The following TNFSF4 variants were observed in gnomAD, a reference collection of about 807,000 sequenced individuals.
The protein encoded by TNFSF4 is tumor necrosis factor ligand superfamily member 4.
A neutral mutation model predicts 7.3 loss-of-function variants in TNFSF4; 4 were observed. The ratio of observed to expected loss-of-function variants is 0.55; its 90% CI spans 0.27 to 1.25. The LOEUF (loss-of-function observed/expected upper bound fraction) is 1.25, where lower values mean the gene tolerates loss of function less well. Among genes scored for constraint, TNFSF4 ranks in the 50% most tolerant of loss-of-function variants. The pLI is 0.12. For synonymous variants in TNFSF4, 76 were observed against 83.7 expected, an observed-to-expected ratio of 0.91 and a Z score of 0.50; for missense variants, 181 against 208.8, an observed-to-expected ratio of 0.87 and a Z score of 0.82.
the TNFSF4 span, among the ~76,000 whole-genome samples, chr1:173,219,222 G>T: frequency 6.6e-6 from 1 of 152,138 alleles, no homozygotes; most frequent in Non-Finnish European, 1.5e-5. Context: ...TAACACAGGA[G>T]TTTTTGAACA....
chr1:173,307,216 T>C, the TNFSF4 span, among the ~76,000 whole-genome samples: 1 of 151,994 alleles, frequency 6.6e-6, no homozygotes, highest in Middle Eastern at 3.2e-3. Context: ...TAAGGTAAGA[T>C]ATAATGATAA....
chr1:173,243,501 G>C, the TNFSF4 span, among the ~76,000 whole-genome samples: 1 of 152,114 alleles, frequency 6.6e-6, no homozygotes, highest in Non-Finnish European at 1.5e-5. Context: ...TGCTGTCTCA[G>C]TGTAATTGGT....
chr1:173,366,846 C>G, the TNFSF4 span, among the ~76,000 whole-genome samples: 1 of 152,054 alleles, frequency 6.6e-6, no homozygotes, highest in African/African-American at 2.4e-5. Flanking sequence ...TGATTGGACA[C>G]AATTTTCTTT....
At chr1:173,406,544 A>G in the TNFSF4 span, among the ~76,000 whole-genome samples, 1 of 152,246 alleles carries the variant, frequency 6.6e-6, no homozygotes, top group South Asian at 2.1e-4. Context: ...AAAAAATTAA[A>G]ATTTTTATTT....
chr1:173,449,280 A>G, the TNFSF4 span, among the ~76,000 whole-genome samples: 3 of 152,116 alleles, frequency 2.0e-5, no homozygotes, highest in East Asian at 3.9e-4. Context: ...CTACAGAACC[A>G]TAAGTCAATT....
At position 173,198,202 on chromosome 1, in the gene TNFSF4, G is replaced by A. The variant is rs181777149; in HGVS notation, c.153+8822C>T. Among the ~76,000 whole-genome samples the A allele has an allele frequency of 2.6e-5, 4 of 152,254 alleles. No individual in the cohort carries two copies. The East Asian group carries it at 7.7e-4, about 29-fold the overall frequency. On this transcript the variant is annotated intron_variant, in intron 1 of 2. Coordinates refer to ENST00000281834, the MANE Select transcript of TNFSF4 (RefSeq NM_003326.5). ...GGTAGACTGAACAAGACATTGCACTGGGACTAGGCACACCTGAGTTCTTCT... is the reference window on the plus strand; with the variant it reads ...GGTAGACTGAACAAGACATTGCACTAGGACTAGGCACACCTGAGTTCTTCT...
the TNFSF4 span, among the ~76,000 whole-genome samples, chr1:173,228,631 G>A: frequency 3.2e-4 from 48 of 152,286 alleles, no homozygotes; most frequent in Non-Finnish European, 3.5e-4. Context: ...AAATTTCTCC[G>A]AGCTAAAGGA....
the TNFSF4 span, among the ~76,000 whole-genome samples, chr1:173,311,110 T>A: frequency 4.6e-5 from 7 of 152,060 alleles, no homozygotes; most frequent in Admixed American, 4.6e-4. Context: ...TTACTTTTAA[T>A]GTTGTTAGTG....
At chr1:173,281,062 G>C in the TNFSF4 span, among the ~76,000 whole-genome samples, 27 of 152,142 alleles carry the variant, frequency 1.8e-4, 1 homozygote, top group South Asian at 5.6e-3. Context: ...AAAAAATGGG[G>C]AAATATTTTT....
downstream of TNFSF4, among the ~76,000 whole-genome samples, chr1:173,180,369 T>C (rs1649034517): frequency 6.6e-6 from 1 of 152,168 alleles, no homozygotes; most frequent in African/African-American, 2.4e-5. Context: ...TTTACATTTC[T>C]AGTACCTAGC....
chr1:173,216,030 C>G, the TNFSF4 span, among the ~76,000 whole-genome samples: 1 of 152,196 alleles, frequency 6.6e-6, no homozygotes, highest in Non-Finnish European at 1.5e-5. Context: ...TTTGCATCCA[C>G]ATGAAATTTG....
intron 1 of TNFSF4, among the ~76,000 whole-genome samples, chr1:173,195,835 G>A (rs543567379): frequency 1.4e-3 from 210 of 152,292 alleles, no homozygotes; most frequent in African/African-American, 4.7e-3. Context: ...GCAGTGGGAC[G>A]TGGGCTAGTA....
At chr1:173,401,239 C>T in the TNFSF4 span, among the ~76,000 whole-genome samples, 2 of 152,146 alleles carry the variant, frequency 1.3e-5, no homozygotes, top group African/African-American at 4.8e-5. Flanking sequence ...ATAGTAATAT[C>T]ATGTGGAATT....
At chr1:173,266,096 TAA>T in the TNFSF4 span, among the ~76,000 whole-genome samples, 2 of 152,042 alleles carry the variant, frequency 1.3e-5, no homozygotes, top group East Asian at 3.9e-4. Context: ...TTAATGAATG[TAA>T]AGAGTGTGCA....
At chr1:173,262,180 G>C in the TNFSF4 span, among the ~76,000 whole-genome samples, 1 of 152,082 alleles carries the variant, frequency 6.6e-6, no homozygotes, top group African/African-American at 2.4e-5. Flanking sequence ...TTCAACATAT[G>C]CAAATCAATA....
At chr1:173,370,462 A>T in the TNFSF4 span, among the ~76,000 whole-genome samples, 11,568 of 152,248 alleles carry the variant, frequency 0.076, 613 homozygotes, top group East Asian at 0.27. Flanking sequence ...TAGAAAGACT[A>T]AGAAGAATTA....
At chr1:173,296,139 C>T in the TNFSF4 span, among the ~76,000 whole-genome samples, 1 of 151,904 alleles carries the variant, frequency 6.6e-6, no homozygotes, top group Non-Finnish European at 1.5e-5. Context: ...TTTCTGTCAT[C>T]CTAGAGGGCT....
the TNFSF4 span, among the ~76,000 whole-genome samples, chr1:173,348,396 G>A: frequency 6.6e-6 from 1 of 152,300 alleles, no homozygotes; most frequent in East Asian, 1.9e-4. Context: ...CCTCAGCCAT[G>A]GGGAGCTGTG....
the TNFSF4 span, among the ~76,000 whole-genome samples, chr1:173,239,102 T>C: frequency 3.9e-5 from 6 of 152,156 alleles, no homozygotes; most frequent in African/African-American, 1.4e-4. Flanking sequence ...GTTTCAAATA[T>C]CCATTCTTGG....
Sources: allele counts gnomAD v4.1 joint callset (sites outside exome capture counted in the v4.1 genomes callset), GRCh38; gene constraint gnomAD v4.1.1; transcripts MANE v1.5; gene names NCBI Gene and HGNC (gene_info 2026-07-23, HGNC 2026-07-21).